Variants in KCTD16 observed in about 807,000 individuals in gnomAD.
The protein encoded by KCTD16 is BTB/POZ domain-containing protein KCTD16.
Under a neutral mutation model 33.2 loss-of-function variants are expected in KCTD16, and 13 were observed. That is an observed-to-expected ratio of 0.39 (90% CI 0.25 to 0.62). The LOEUF is 0.62. Among genes scored for constraint, KCTD16 ranks in the 20% least tolerant of loss-of-function variants. The pLI, the probability that KCTD16 is intolerant of heterozygous loss-of-function variation, is 0.50. For synonymous variants in KCTD16, 197 were observed against 195.3 expected (o/e 1.01, Z -0.07); for missense variants, 441 against 525.1 (o/e 0.84, Z 1.57).
intron 3 of KCTD16, among the ~76,000 whole-genome samples, chr5:144,425,858 A>G (rs1753317413): frequency 6.6e-6 from 1 of 152,084 alleles, no homozygotes; most frequent in Admixed American, 6.6e-5. Flanking sequence ...GCAGCCTCAG[A>G]GATCTTTGAA....
intron 3 of KCTD16, among the ~76,000 whole-genome samples, chr5:144,328,059 G>A (rs535841388): frequency 3.9e-4 from 60 of 152,114 alleles, no homozygotes; most frequent in Middle Eastern, 6.8e-3. Flanking sequence ...TATAAAAATT[G>A]GTTTACTTTC....
chr5:144,334,577 G>A (rs949177852), intron 3 of KCTD16, among the ~76,000 whole-genome samples: 7 of 152,100 alleles, frequency 4.6e-5, no homozygotes, highest in Non-Finnish European at 1.0e-4. Context: ...CTATGTGCCA[G>A]GCATGATGTT....
chr5:144,452,350 A>C (rs1487504807), intron 3 of KCTD16, among the ~76,000 whole-genome samples: 1 of 151,896 alleles, frequency 6.6e-6, no homozygotes, highest in African/African-American at 2.4e-5. Flanking sequence ...ACCTAAATGA[A>C]ATACTGACTC....
chr5:144,280,769 T>C (rs1329302254), intron 3 of KCTD16, among the ~76,000 whole-genome samples: 1 of 151,940 alleles, frequency 6.6e-6, no homozygotes, highest in Admixed American at 6.6e-5. Context: ...CTAAACAAAA[T>C]ACAAAAAATT....
At chr5:144,429,976 T>C (rs1260009737) in intron 3 of KCTD16, among the ~76,000 whole-genome samples, 1 of 152,078 alleles carries the variant, frequency 6.6e-6, no homozygotes, top group Admixed American at 6.6e-5. Flanking sequence ...AGAGAGCAGA[T>C]AGGCCTAGCT....
intron 3 of KCTD16, among the ~76,000 whole-genome samples, chr5:144,345,461 T>G (rs1402736633): frequency 1.3e-5 from 2 of 152,186 alleles, no homozygotes; most frequent in Admixed American, 6.5e-5. Flanking sequence ...CTGGGTAATT[T>G]CAGTCTGTAA....
intron 2 of KCTD16, 95 bp from the exon 3 acceptor site, chr5:144,206,294 T>G (rs1022553435): frequency 5.0e-5 from 8 of 161,470 alleles, no homozygotes; most frequent in African/African-American, 1.9e-4. Flanking sequence ...TCTCCCTCCC[T>G]CTGTTTTTCC....
chr5:144,193,423 C>G (rs182928551), intron 2 of KCTD16, among the ~76,000 whole-genome samples: 154 of 152,208 alleles, frequency 1.0e-3, no homozygotes, highest in Non-Finnish European at 1.6e-3. Context: ...TTCCATTCCA[C>G]CTGCCTAGAG....
chr5:144,347,366 G>T (rs1190680497), intron 3 of KCTD16, among the ~76,000 whole-genome samples: 1 of 152,114 alleles, frequency 6.6e-6, no homozygotes, highest in African/African-American at 2.4e-5. Flanking sequence ...AGGCTGAGTC[G>T]GGAGGATCAC....
intron 3 of KCTD16, among the ~76,000 whole-genome samples, chr5:144,458,641 A>T (rs1380498209): frequency 6.6e-6 from 1 of 152,212 alleles, no homozygotes; most frequent in African/African-American, 2.4e-5. Flanking sequence ...GTCCAATAGA[A>T]ATCTATTAGA....
chr5:144,375,986 G>T (rs1752083198), intron 3 of KCTD16, among the ~76,000 whole-genome samples: 1 of 151,990 alleles, frequency 6.6e-6, no homozygotes, highest in East Asian at 1.9e-4. Flanking sequence ...GCTAAATCTG[G>T]CTGATTTTTT....
chr5:144,203,675 T>C (rs969090748), intron 2 of KCTD16, among the ~76,000 whole-genome samples: 2 of 152,274 alleles, frequency 1.3e-5, no homozygotes, highest in African/African-American at 4.8e-5. Flanking sequence ...GCTATCGTCA[T>C]GACGTTTTGA....
At chr5:144,328,126 A>G (rs1026454762) in intron 3 of KCTD16, among the ~76,000 whole-genome samples, 3 of 152,026 alleles carry the variant, frequency 2.0e-5, no homozygotes, top group Non-Finnish European at 4.4e-5. Context: ...TTATCTCAGG[A>G]TCCCCACTGC....
At chr5:144,466,369 C>T (rs1040448605) in intron 3 of KCTD16, among the ~76,000 whole-genome samples, 1 of 151,720 alleles carries the variant, frequency 6.6e-6, no homozygotes, top group African/African-American at 2.4e-5. Flanking sequence ...GGAAGAGCAC[C>T]ACTGACACTG....
Position 144,207,453 on chromosome 5 carries a change from A to T in KCTD16, c.739A>T (p.Met247Leu), listed in dbSNP as rs775287854. The change falls in exon 3 of 4, where the codon ATG (methionine) becomes TTG (leucine). Residue 247 changes from methionine to leucine, a missense_variant. Transcript: ENST00000512467. The stretch of plus-strand genomic sequence containing the variant: ...TATGTTGTCAGAGTGTGGATTCCAC[A>T]TGGTGGCCTGTAACTCATCGGTGAC... ...FDMLSECGFH[M>L]VACNSSVTAS... 1.9e-6 allele frequency: 3 copies of T among 1,614,198 alleles called. No individual in the cohort carries two copies. In the East Asian group the frequency reaches 6.7e-5, roughly 36 times the overall value.
chr5:144,215,005 GA>G (rs1385852718), intron 3 of KCTD16, among the ~76,000 whole-genome samples: 1 of 152,116 alleles, frequency 6.6e-6, no homozygotes, highest in Non-Finnish European at 1.5e-5. Flanking sequence ...CTACTGTCTT[GA>G]ATATACTATT....
intron 3 of KCTD16, among the ~76,000 whole-genome samples, chr5:144,427,067 A>G (rs1753348594): frequency 6.6e-6 from 1 of 152,076 alleles, no homozygotes; most frequent in South Asian, 2.1e-4. Context: ...GGCCTAATTT[A>G]TAATAAGGTT....
chr5:144,274,019 TA>T (rs1328386960), intron 3 of KCTD16, among the ~76,000 whole-genome samples: 1 of 150,034 alleles, frequency 6.7e-6, no homozygotes, highest in Non-Finnish European at 1.5e-5. Context: ...AAAATATACA[TA>T]ACATATTATA....
chr5:144,254,267 G>A (rs1242971576), intron 3 of KCTD16, among the ~76,000 whole-genome samples: 1 of 152,024 alleles, frequency 6.6e-6, no homozygotes, highest in Admixed American at 6.6e-5. Context: ...CTCCTGAGTA[G>A]TGGGGACTAC....
Sources: allele counts gnomAD v4.1 joint callset (sites outside exome capture counted in the v4.1 genomes callset), GRCh38; gene constraint gnomAD v4.1.1; transcripts MANE v1.5; gene names NCBI Gene and HGNC (gene_info 2026-07-23, HGNC 2026-07-21).